The following PCSK5 variants were observed in gnomAD, a reference collection of about 807,000 sequenced individuals.
The protein encoded by PCSK5 is prohormone convertase 5.
PCSK5 carries 129 observed loss-of-function variants against 233.2 expected under a neutral mutation model. The observed-to-expected ratio is 0.55, with a 90% CI of 0.48 to 0.64. PCSK5 has a LOEUF of 0.64. Among genes scored for constraint, PCSK5 ranks in the 30% least tolerant of loss-of-function variants. The pLI is 0.00. For missense variants in PCSK5, 2,076 were observed against 2,430.1 expected (o/e 0.85, Z 3.06); for synonymous variants, 825 against 879.2 (o/e 0.94, Z 1.09).
rs146582537 is a variant in PCSK5, at chr9:75,904,668, A to G, written c.192+13295A>G. Reference sequence around the variant, plus strand: ...TTGATGAGAATGTGGAGAAATTGCAATTCTCCAATTTACAATGGGAATGTG... The same window carrying G: ...TTGATGAGAATGTGGAGAAATTGCAGTTCTCCAATTTACAATGGGAATGTG... On this transcript the variant is annotated intron_variant, in intron 1 of 37. Transcript: ENST00000674117. Among the ~76,000 whole-genome samples the G allele has an allele frequency of 6.6e-3, 1,010 of 152,326 alleles. 19 individuals carry two copies. Among genetic ancestry groups the G allele is most frequent in the African/African-American group, 0.022 (894 of 41,564 alleles).
chr9:76,198,912 C>T (rs1824803432), intron 20 of PCSK5, among the ~76,000 whole-genome samples: 1 of 152,132 alleles, frequency 6.6e-6, no homozygotes, highest in Admixed American at 6.5e-5. Flanking sequence ...GGTTCCATGC[C>T]CTTGCACTAC....
chr9:76,312,312 C>G (rs906839644), intron 30 of PCSK5, among the ~76,000 whole-genome samples: 8 of 152,072 alleles, frequency 5.3e-5, no homozygotes, highest in African/African-American at 1.9e-4. Flanking sequence ...GAGTTCAAAA[C>G]CAGCCTGACC....
chr9:76,174,779 T>C (rs1010906092), intron 13 of PCSK5, among the ~76,000 whole-genome samples: 2 of 152,214 alleles, frequency 1.3e-5, no homozygotes, highest in South Asian at 4.1e-4. Context: ...TAGTACATGC[T>C]CAGTCAATAT....
At position 76,338,227 on chromosome 9, in the gene PCSK5, C is replaced by T; in HGVS notation, c.4749-3C>T. The T allele has an allele frequency of 6.2e-7, 1 of 1,607,696 alleles. No homozygotes were observed. Among genetic ancestry groups the T allele is most frequent in the South Asian group, 1.1e-5 (1 of 90,354 alleles). ...TCCATCTTTTCTTCTCCTTTGGTTT[C>T]AGATATTACGCAGACAACTCCACTG... On this transcript the variant is annotated splice_region_variant and splice_polypyrimidine_tract_variant and intron_variant, in intron 34 of 37. Coordinates refer to ENST00000674117, the MANE Select transcript of PCSK5 (RefSeq NM_001372043.1).
chr9:76,085,873 G>C (rs1016545725), intron 7 of PCSK5, among the ~76,000 whole-genome samples: 1 of 152,156 alleles, frequency 6.6e-6, no homozygotes, highest in Admixed American at 6.5e-5. Context: ...AGAAGAGTAT[G>C]AACTTTCCAT....
At chr9:75,933,253 G>A (rs1823891184) in intron 2 of PCSK5, among the ~76,000 whole-genome samples, 1 of 152,116 alleles carries the variant, frequency 6.6e-6, no homozygotes. Context: ...TTAAGTTGGT[G>A]GAAGGAATGG....
chr9:75,979,292 A>G (rs980988831), intron 2 of PCSK5, among the ~76,000 whole-genome samples: 2 of 152,088 alleles, frequency 1.3e-5, no homozygotes, highest in African/African-American at 4.8e-5. Flanking sequence ...CATACTGGCT[A>G]GCATCACAAG....
In PCSK5 at chr9:76,335,296, T is replaced by C. The variant is rs1029154251; in HGVS notation, c.4748+2686T>C. Among the ~76,000 whole-genome samples the C allele has an allele frequency of 3.9e-5, 6 of 152,252 alleles. No individual in the cohort carries two copies. The South Asian group carries it at 1.2e-3, about 32-fold the overall frequency. Reference sequence around the variant, plus strand: ...ACAATTGTTCCACAGCGTGTAAAGTTCCCCAGGGCTGGTGGGGGGAGGCAC... The same window carrying C: ...ACAATTGTTCCACAGCGTGTAAAGTCCCCCAGGGCTGGTGGGGGGAGGCAC... On this transcript the variant is annotated intron_variant, in intron 34 of 37. Transcript: ENST00000674117.
chr9:76,233,576 AC>A lies in PCSK5; in HGVS notation c.2847del (p.Cys950AlafsTer56), dbSNP rs1169766576. 10 of 1,610,808 alleles carry A rather than the reference AC, an allele frequency of 6.2e-6. No individual in the cohort carries two copies. In the African/African-American group the frequency reaches 1.3e-4, roughly 21 times the overall value. On this transcript the variant is annotated frameshift_variant, in exon 22 of 38. Coordinates refer to ENST00000674117, the MANE Select transcript of PCSK5 (RefSeq NM_001372043.1). LOFTEE classifies it high-confidence loss of function. ...CQRCQGSGPTHCTSCGADNYG... is the reference protein window; with the variant it reads ...CQRCQGSGPTXCTSCGADNYG... ...AGATGCCAAGGAAGTGGCCCTACCCACTGCACCTCCTGTGGAGCAGGTGAGA... is the reference window on the plus strand; with the variant it reads ...AGATGCCAAGGAAGTGGCCCTACCCATGCACCTCCTGTGGAGCAGGTGAGA...
intron 7 of PCSK5, among the ~76,000 whole-genome samples, chr9:76,085,164 C>T (rs1025211092): frequency 2.6e-5 from 4 of 152,186 alleles, no homozygotes; most frequent in African/African-American, 4.8e-5. Context: ...TCACACTCAG[C>T]TCCTAGTCAA....
At chr9:76,280,421 T>A (rs1436651327) in intron 24 of PCSK5, among the ~76,000 whole-genome samples, 1 of 152,120 alleles carries the variant, frequency 6.6e-6, no homozygotes, top group Non-Finnish European at 1.5e-5. Flanking sequence ...TTAAAATTGA[T>A]TAAGCTTAGT....
At chr9:76,081,534 G>A (rs1021749734) in intron 7 of PCSK5, among the ~76,000 whole-genome samples, 169 of 152,130 alleles carry the variant, frequency 1.1e-3, no homozygotes, top group African/African-American at 3.8e-3. Context: ...GTTCTGAGAA[G>A]TCCTGTAGTA....
At position 76,125,415 on chromosome 9, in the gene PCSK5, T is replaced by C. The variant is rs73456467; in HGVS notation, c.1209-8694T>C. Among the ~76,000 whole-genome samples, 571 of 152,336 alleles carry C rather than the reference T, an allele frequency of 3.7e-3. 2 individuals carry two copies. The highest frequency in any genetic ancestry group is 0.012 in the African/African-American group (491 of 41,586). Reference sequence around the variant, plus strand: ...GTGGCGAGGGTCAGAGCTGAGGCTCTAGAATCAGGCTGCCTGGGCCATTCT... The same window carrying C: ...GTGGCGAGGGTCAGAGCTGAGGCTCCAGAATCAGGCTGCCTGGGCCATTCT... On this transcript the variant is annotated intron_variant, in intron 9 of 37. Coordinates refer to ENST00000674117, the MANE Select transcript of PCSK5 (RefSeq NM_001372043.1).
intron 6 of PCSK5, among the ~76,000 whole-genome samples, chr9:76,070,003 T>A (rs1830427412): frequency 6.7e-6 from 1 of 149,492 alleles, no homozygotes; most frequent in African/African-American, 2.5e-5. Context: ...CCAATTTTTT[T>A]TTTTTTTTTT....
intron 35 of PCSK5, among the ~76,000 whole-genome samples, chr9:76,345,079 G>T (rs1193761530): frequency 6.6e-6 from 1 of 152,166 alleles, no homozygotes; most frequent in East Asian, 1.9e-4. Flanking sequence ...TGTCACCCAA[G>T]TAGTGAGAGT....
In PCSK5 at chr9:76,350,862, G is replaced by C; in HGVS notation, c.5001G>C (p.Trp1667Cys). Residue 1667 changes from tryptophan to cysteine, a missense_variant, in exon 36 of 38, where the codon TGG becomes TGC. Trp to Cys is a radical substitution (Grantham distance 215). Coordinates refer to ENST00000674117, the MANE Select transcript of PCSK5 (RefSeq NM_001372043.1). ...KGALNCLSCV[W>C]SYHLMGGICT... Reference sequence around the variant, plus strand: ...CGTTGAATTGTTTATCCTGTGTGTGGAGTTACCACCTCATGGGAGGGATCT... The same window carrying C: ...CGTTGAATTGTTTATCCTGTGTGTGCAGTTACCACCTCATGGGAGGGATCT... 1 of 1,609,292 alleles carries C rather than the reference G, an allele frequency of 6.2e-7. No individual in the cohort carries two copies. The highest frequency in any genetic ancestry group is 8.5e-7 in the Non-Finnish European group (1 of 1,177,062).
rs941879501 is a variant in PCSK5 at position 76,281,611 on chromosome 9, T to C, written c.3143-10622T>C. On this transcript the variant is annotated intron_variant, in intron 24 of 37. Coordinates refer to ENST00000674117, the MANE Select transcript of PCSK5 (RefSeq NM_001372043.1). ...GTTTTCATACCTGCTAACAGGACAT[T>C]GATTCTGCAGCCCATGGATTGAAGA... 2.6e-5 allele frequency among the ~76,000 whole-genome samples: 4 copies of C among 152,206 alleles called. No homozygotes were observed. In the East Asian group the frequency reaches 5.8e-4, roughly 22 times the overall value.
intron 32 of PCSK5, among the ~76,000 whole-genome samples, chr9:76,325,524 A>G (rs1401173495): frequency 6.6e-6 from 1 of 152,098 alleles, no homozygotes; most frequent in Non-Finnish European, 1.5e-5. Context: ...AATTTTCTGC[A>G]TTTTTCTGAG....
chr9:76,182,288 A>G (rs1336303203), intron 16 of PCSK5, among the ~76,000 whole-genome samples: 4 of 152,088 alleles, frequency 2.6e-5, no homozygotes, highest in African/African-American at 9.7e-5. Flanking sequence ...TGATATCAAA[A>G]TATACTTTTT....
Sources: gnomAD v4.1 joint callset for allele counts (sites outside exome capture counted in the v4.1 genomes callset) on GRCh38, gnomAD v4.1.1 for gene constraint, MANE v1.5 for transcripts, NCBI Gene and HGNC (gene_info 2026-07-23, HGNC 2026-07-21) for gene names.